Variants in A2ML1 observed in about 807,000 individuals in gnomAD.
The protein encoded by A2ML1 is alpha-2-macroglobulin like 1, also known as alpha-2-macroglobulin-like protein 1.
Under a neutral mutation model 181.9 loss-of-function variants are expected in A2ML1, and 161 were observed. The observed-to-expected ratio is 0.89, with a 90% CI of 0.78 to 1.01. A2ML1 has a LOEUF of 1.01. Among genes scored for constraint, A2ML1 ranks in the 50% least tolerant of loss-of-function variants. The pLI is 0.00. For missense variants in A2ML1, 1,670 were observed against 1,768.1 expected (o/e 0.94, Z 1.00); for synonymous variants, 663 against 666.8 (o/e 0.99, Z 0.09).
In A2ML1 at chr12:8,848,757, C is replaced by T; in HGVS notation, c.1871C>T (p.Pro624Leu). The T allele has an allele frequency of 3.1e-6, 5 of 1,613,704 alleles. No individual in the cohort carries two copies. Among genetic ancestry groups the T allele is most frequent in the Non-Finnish European group, 4.2e-6 (5 of 1,179,820 alleles). ...TTTCCATTCTGGTATGGTCACTACC[C>T]CTATCAAGTGGCTGAGTATGATCAG... ...GMFPFWYGHY[P>L]YQVAEYDQCP... The change falls in exon 16 of 36, where the codon CCC becomes CTC. Residue 624 changes from proline to leucine, a missense_variant. Pro to Leu is a moderately conservative substitution (Grantham distance 98). Transcript: ENST00000299698.
At chr12:8,872,132 T>C (rs1333437130) in intron 33 of A2ML1, among the ~76,000 whole-genome samples, 1 of 151,288 alleles carries the variant, frequency 6.6e-6, no homozygotes, top group Non-Finnish European at 1.5e-5. Context: ...TGAGCCGAGA[T>C]TGCGCCACTG....
chr12:8,847,069 G>A (rs1371183970), intron 14 of A2ML1, among the ~76,000 whole-genome samples: 1 of 150,116 alleles, frequency 6.7e-6, no homozygotes, highest in African/African-American at 2.5e-5. Context: ...CGAGTAGCTG[G>A]GATTACAAGT....
At chr12:8,830,329 G>A (rs1943070179) in intron 4 of A2ML1, among the ~76,000 whole-genome samples, 2 of 152,256 alleles carry the variant, frequency 1.3e-5, no homozygotes, top group African/African-American at 4.8e-5. Context: ...TGGGATTACA[G>A]ACAAGAGCCA....
At chr12:8,854,670 C>A in intron 21 of A2ML1, 110 bp from the exon 22 acceptor site, 1 of 1,188,402 alleles carries the variant, frequency 8.4e-7, no homozygotes, top group Non-Finnish European at 1.2e-6. Flanking sequence ...GTCTGCAGTT[C>A]TGAGGGAAGC....
At chr12:8,849,017 A>T (rs149194052) in intron 16 of A2ML1, 103 bp downstream of exon 16, 1 of 1,281,262 alleles carries the variant, frequency 7.8e-7, no homozygotes, top group African/African-American at 1.5e-5. Context: ...ATGGGCACTG[A>T]TGGGAACAAA....
intron 4 of A2ML1, 63 bp downstream of exon 4, chr12:8,829,842 T>TA (rs1479899780): frequency 1.3e-6 from 2 of 1,585,956 alleles, no homozygotes; most frequent in African/African-American, 2.7e-5. Flanking sequence ...AGAGATTCTC[T>TA]AGGGTGGAAG....
chr12:8,839,180 CA>C lies in A2ML1; in HGVS notation c.1039del (p.Thr347ProfsTer15). On this transcript the variant is annotated frameshift_variant, in exon 10 of 36. Coordinates refer to ENST00000299698, the MANE Select transcript of A2ML1 (RefSeq NM_144670.6). LOFTEE classifies it high-confidence loss of function. ...AAATGGGATCAATGACCTTTGAAGA[CA>C]CCAGCAATTTTTACCATCCAAATTT... The part of the protein sequence containing the change: ...PQMGSMTFED[T>X]SNFYHPNFPF... The C allele has an allele frequency of 6.2e-7, 1 of 1,613,684 alleles. No individual in the cohort carries two copies. Among genetic ancestry groups the C allele is most frequent in the Middle Eastern group, 1.7e-4 (1 of 6,056 alleles).
chr12:8,885,218 T>TAATATAGTTC (rs1295118517), intron 7 of A2ML1, among the ~76,000 whole-genome samples: 2 of 152,188 alleles, frequency 1.3e-5, no homozygotes, highest in African/African-American at 2.4e-5. Context: ...TTCTTAATTT[T>TAATATAGTTC]AATATAGTTC....
Position 8,835,633 on chromosome 12 carries a change from A to G in A2ML1, c.610A>G (p.Lys204Glu). The G allele has an allele frequency of 1.2e-6, 2 of 1,614,174 alleles. No homozygotes were observed. The highest frequency in any genetic ancestry group is 2.2e-5 in the East Asian group (1 of 44,888). The change falls in exon 6 of 36, where the codon AAG (lysine) becomes GAG (glutamate). Residue 204 changes from lysine (K) to glutamate (E), a missense_variant. Coordinates refer to ENST00000299698, the MANE Select transcript of A2ML1 (RefSeq NM_144670.6). ...CTACACTGTGGCAGTGGCTGAGGGC[A>G]AGACCTTTGGTACTTTCAGTGTGGA... ...GTYTVAVAEG[K>E]TFGTFSVEEY...
chr12:8,884,995 T>C (rs7309360), intron 7 of A2ML1, among the ~76,000 whole-genome samples: 56,524 of 152,128 alleles, frequency 0.37, 11,273 homozygotes, highest in Admixed American at 0.43. Context: ...TGCATGCATG[T>C]GTCTTTATGG....
At chr12:8,833,122 T>C (rs1943171131) in intron 4 of A2ML1, among the ~76,000 whole-genome samples, 1 of 151,976 alleles carries the variant, frequency 6.6e-6, no homozygotes, top group Non-Finnish European at 1.5e-5. Flanking sequence ...TACAGGAATG[T>C]ACCACCACAT....
At chr12:8,833,237 T>C (rs1943174365) in intron 4 of A2ML1, among the ~76,000 whole-genome samples, 1 of 152,046 alleles carries the variant, frequency 6.6e-6, no homozygotes, top group Non-Finnish European at 1.5e-5. Context: ...CCTCCCAAAG[T>C]GCTGGGATTA....
intron 23 of A2ML1, among the ~76,000 whole-genome samples, chr12:8,856,907 T>TTTC (rs1177734425): frequency 2.0e-5 from 3 of 150,164 alleles, no homozygotes; most frequent in Admixed American, 2.0e-4. Flanking sequence ...ACTTTTTTTT[T>TTTC]TTTTTTTTTT....
chr12:8,886,829 T>A (rs1048367228), exon 8 of A2ML1: 1 of 152,060 alleles, frequency 6.6e-6, no homozygotes, highest in Non-Finnish European at 1.5e-5. Flanking sequence ...TACAGTCACA[T>A]TGGGGGTTAT....
At chr12:8,828,076 T>G (rs1383153194) in intron 3 of A2ML1, among the ~76,000 whole-genome samples, 1 of 152,192 alleles carries the variant, frequency 6.6e-6, no homozygotes, top group African/African-American at 2.4e-5. Flanking sequence ...GTACTGTGTC[T>G]CACCCAAGGC....
At chr12:8,869,828 T>A (rs971418555) in intron 33 of A2ML1, among the ~76,000 whole-genome samples, 24 of 152,260 alleles carry the variant, frequency 1.6e-4, no homozygotes, top group African/African-American at 5.3e-4. Context: ...TGGGTAGGGG[T>A]CAAAATAGTT....
At chr12:8,843,512 A>G in intron 12 of A2ML1, 151 bp downstream of exon 12, 2 of 652,664 alleles carry the variant, frequency 3.1e-6, no homozygotes, top group Non-Finnish European at 4.9e-6. Context: ...GTAAAAGAAC[A>G]GTTGACATTA....
At position 8,823,349 on chromosome 12, in the gene A2ML1, A is replaced by G. The variant is rs1942811294; in HGVS notation, c.230A>G (p.His77Arg). Residue 77 changes from histidine (H) to arginine (R), a missense_variant, in exon 2 of 36, where the codon CAT (histidine) becomes CGT (arginine). His to Arg is a conservative substitution (Grantham distance 29, BLOSUM62 0). Transcript: ENST00000299698. ...EYSGLKKRHL[H>R]CISFLVPPPA... ...TCTGGACTGAAGAAGAGGCACTTACATTGTATCTCCTTTCTTGTAAGCACA... is the reference window on the plus strand; with the variant it reads ...TCTGGACTGAAGAAGAGGCACTTACGTTGTATCTCCTTTCTTGTAAGCACA... 5.0e-6 allele frequency: 8 copies of G among 1,613,752 alleles called. No individual in the cohort carries two copies. The highest frequency in any genetic ancestry group is 5.1e-6 in the Non-Finnish European group (6 of 1,179,870).
intron 32 of A2ML1, 82 bp downstream of exon 32, chr12:8,868,709 C>A: frequency 9.2e-7 from 1 of 1,081,274 alleles, no homozygotes; most frequent in Non-Finnish European, 1.3e-6. Flanking sequence ...AAATGGGCAT[C>A]ATGGCGTGTA....
Sources: allele counts gnomAD v4.1 joint callset (sites outside exome capture counted in the v4.1 genomes callset), GRCh38; gene constraint gnomAD v4.1.1; transcripts MANE v1.5; gene names NCBI Gene and HGNC (gene_info 2026-07-23, HGNC 2026-07-21).